EDC3: variants seen among roughly 807,000 people sequenced by gnomAD.
EDC3 encodes the protein enhancer of mRNA-decapping protein 3.
EDC3 carries 20 observed loss-of-function variants against 41.8 expected under a neutral mutation model. The observed-to-expected ratio is 0.48, with a 90% CI of 0.34 to 0.70. The LOEUF is 0.70. Among genes scored for constraint, EDC3 ranks in the 30% least tolerant of loss-of-function variants. The pLI is 0.01. For missense variants in EDC3, 444 were observed against 636.8 expected (o/e 0.70, Z 3.26); for synonymous variants, 206 against 243.2 (o/e 0.85, Z 1.42).
rs1300331018 is a variant in EDC3 at position 74,660,431 on chromosome 15, A to ATG, written c.485-4364_485-4363insCA. Among the ~76,000 whole-genome samples, 77 of 149,132 alleles carry ATG rather than the reference A, an allele frequency of 5.2e-4. 1 individual carries two copies. The highest frequency in any genetic ancestry group is 1.8e-3 in the African/African-American group (72 of 40,070). On this transcript the variant is annotated intron_variant, in intron 3 of 6. Transcript: ENST00000315127. ...TCTCCAAAAATATATATATATATAT[A>ATG]TATGTGTGTGTGTGTGTGTGTATAT...
chr15:74,670,603 T>C (rs552346651), intron 3 of EDC3, among the ~76,000 whole-genome samples: 1 of 152,256 alleles, frequency 6.6e-6, no homozygotes, highest in African/African-American at 2.4e-5. Context: ...ATAATTTTTG[T>C]ATTTTTAGCA....
rs763169983 is a variant in EDC3, at chr15:74,632,600, C to T, written c.*12G>A. On this transcript the variant is annotated 3_prime_UTR_variant, in exon 7 of 7. Coordinates refer to ENST00000315127, the MANE Select transcript of EDC3 (RefSeq NM_025083.5). The surrounding 1 kb of genome is among the most constrained non-coding windows in gnomAD (Gnocchi z 4.0). The stretch of plus-strand genomic sequence containing the variant: ...GCAGGGGACAGCAGAGTCCTGCCTG[C>T]GCAGGAACCCTCTAAGCAGAGTGCA... The T allele has an allele frequency of 2.9e-5, 46 of 1,608,368 alleles. No individual in the cohort carries two copies. The highest frequency in any genetic ancestry group is 8.3e-5 in the Admixed American group (5 of 59,958).
Position 74,671,905 on chromosome 15 carries a change from GC to G in EDC3, c.165-132del, listed in dbSNP as rs1414319505. ...GAGTTATCAGAGGCTAGGAAAGGGG[GC>G]TGTGTGCTTAAGGACAGGGGTCAGC... On this transcript the variant is annotated intron_variant, in intron 2 of 6. Coordinates refer to ENST00000315127, the MANE Select transcript of EDC3 (RefSeq NM_025083.5). The surrounding 1 kb of genome is among the most constrained non-coding windows in gnomAD (Gnocchi z 4.6). 11 of 878,236 alleles carry G rather than the reference GC, an allele frequency of 1.3e-5. No homozygotes were observed. The African/African-American group carries it at 1.7e-4, about 13-fold the overall frequency. The allele number at this position is 878,236 out of a possible 1,614,324, so 54.4% of individuals were successfully genotyped here.
intron 5 of EDC3, chr15:74,636,677 T>A (rs1187339009): frequency 6.6e-6 from 1 of 152,246 alleles, no homozygotes; most frequent in Admixed American, 6.5e-5. Flanking sequence ...TGACAAGATG[T>A]TGTCAAGCTA....
chr15:74,635,510 A>G lies in EDC3; in HGVS notation c.1091T>C (p.Val364Ala), dbSNP rs1015668473. 2 of 1,614,120 alleles carry G rather than the reference A, an allele frequency of 1.2e-6. No individual in the cohort carries two copies. Among genetic ancestry groups the G allele is most frequent in the South Asian group, 1.1e-5 (1 of 91,090 alleles). ...GRHLANHDVQVILFLPNFVKM... is the reference protein window; with the variant it reads ...GRHLANHDVQAILFLPNFVKM... ...GACAAAATTGGGCAGGAAAAGGATGACCTGGACATCATGGTTGGCTAGGTG... is the reference window on the plus strand; with the variant it reads ...GACAAAATTGGGCAGGAAAAGGATGGCCTGGACATCATGGTTGGCTAGGTG... The change falls in exon 6 of 7, where the codon GTC becomes GCC. Residue 364 changes from valine (V) to alanine (A), a missense_variant. Val to Ala is a moderately conservative substitution (Grantham distance 64). Transcript: ENST00000315127.
intron 3 of EDC3, among the ~76,000 whole-genome samples, chr15:74,667,141 C>T (rs1045628240): frequency 6.6e-6 from 1 of 151,980 alleles, no homozygotes; most frequent in Non-Finnish European, 1.5e-5. Flanking sequence ...AGACAGGTTT[C>T]TCACTGTTGG....
At chr15:74,692,495 C>T (rs2063018917) in intron 1 of EDC3, among the ~76,000 whole-genome samples, 1 of 152,110 alleles carries the variant, frequency 6.6e-6, no homozygotes, top group African/African-American at 2.4e-5. Context: ...AGGAACACTT[C>T]CCAATTCATT....
intron 6 of EDC3, chr15:74,635,174 A>G (rs1396503221): frequency 2.9e-6 from 2 of 689,284 alleles, no homozygotes; most frequent in Admixed American, 4.0e-5. Context: ...TGCCTGTTCA[A>G]CGAATATTTG....
In EDC3 at chr15:74,671,663, T is replaced by G. The variant is rs1213984362; in HGVS notation, c.276A>C (p.Gln92His). Residue 92 changes from glutamine to histidine, a missense_variant, in exon 3 of 7, where the codon CAA becomes CAC. By Grantham distance (24) the Gln-to-His change is conservative (BLOSUM62 0). This residue lies in a region of EDC3 where 200 missense variants were observed against 244.0 expected (regional missense o/e 0.82). Coordinates refer to ENST00000315127, the MANE Select transcript of EDC3 (RefSeq NM_025083.5). This position sits in a 1 kb window ranked among gnomAD's most constrained non-coding sequence, Gnocchi z 4.6. ...CTGTGCCATTCTGATTGATGCCCACTTGGCAGCCAGCACCAGAGGGGCCTA... is the reference window on the plus strand; with the variant it reads ...CTGTGCCATTCTGATTGATGCCCACGTGGCAGCCAGCACCAGAGGGGCCTA... ...TELGPSGAGC[Q>H]VGINQNGTGK... 2.5e-6 allele frequency: 4 copies of G among 1,614,026 alleles called. No individual in the cohort carries two copies. Among genetic ancestry groups the G allele is most frequent in the Non-Finnish European group, 3.4e-6 (4 of 1,180,028 alleles).
chr15:74,659,487 A>AATATAT (rs10601683), intron 3 of EDC3, among the ~76,000 whole-genome samples: 5 of 142,194 alleles, frequency 3.5e-5, no homozygotes, highest in African/African-American at 7.9e-5. Flanking sequence ...AAAAAATAGA[A>AATATAT]ATATATATAT....
In EDC3 at chr15:74,652,117, C is replaced by CTAAG. The variant is rs998432797; in HGVS notation, c.820+3615_820+3616insCTTA. ...TAATTTCAACTACAGTTTCTACTGA[C>CTAAG]TATTGCTTTCACATCATCCTAGAAT... On this transcript the variant is annotated intron_variant, in intron 4 of 6. Transcript: ENST00000315127. Among the ~76,000 whole-genome samples the CTAAG allele has an allele frequency of 4.9e-4, 75 of 152,296 alleles. 1 individual carries two copies. The highest frequency in any genetic ancestry group is 1.7e-3 in the African/African-American group (71 of 41,556).
At chr15:74,667,576 T>TAAAAA in intron 3 of EDC3, among the ~76,000 whole-genome samples, 1 of 119,662 alleles carries the variant, frequency 8.4e-6, no homozygotes, top group Non-Finnish European at 1.8e-5. Flanking sequence ...ACCTAAGTAC[T>TAAAAA]AAAAAAAAAA....
intron 3 of EDC3, among the ~76,000 whole-genome samples, chr15:74,669,043 T>G (rs2141644277): frequency 6.6e-6 from 1 of 152,140 alleles, no homozygotes; most frequent in African/African-American, 2.4e-5. Context: ...CGAAATCAGC[T>G]TGGGCAACAT....
chr15:74,675,566 A>G (rs2062796135), intron 1 of EDC3, among the ~76,000 whole-genome samples: 1 of 150,448 alleles, frequency 6.6e-6, no homozygotes, highest in Non-Finnish European at 1.5e-5. Context: ...ATTAATAATA[A>G]TAGTAAATTC....
intron 4 of EDC3, 150 bp from the exon 5 acceptor site, chr15:74,640,769 T>A (rs1051873222): frequency 5.9e-6 from 5 of 854,034 alleles, no homozygotes; most frequent in African/African-American, 5.2e-5. Flanking sequence ...TAAGGCACGC[T>A]CTGCAGCTCT....
At chr15:74,646,034 T>TCCCA (rs2062413053) in intron 4 of EDC3, among the ~76,000 whole-genome samples, 1 of 151,108 alleles carries the variant, frequency 6.6e-6, no homozygotes, top group Non-Finnish European at 1.5e-5. Context: ...CAGAGACCGT[T>TCCCA]CCCAGTCTTT....
chr15:74,680,950 T>C (rs1023871078), intron 1 of EDC3, among the ~76,000 whole-genome samples: 2 of 152,226 alleles, frequency 1.3e-5, no homozygotes, highest in Middle Eastern at 3.4e-3. Context: ...CTGAAAACTA[T>C]GCAACACTGA....
chr15:74,677,925 A>G (rs1015155928), intron 1 of EDC3, among the ~76,000 whole-genome samples: 2 of 152,210 alleles, frequency 1.3e-5, no homozygotes, highest in African/African-American at 4.8e-5. Flanking sequence ...AAAAGAAATG[A>G]GCTATCAAGC....
At position 74,671,598 on chromosome 15, in the gene EDC3, G is replaced by A. The variant is rs752863254; in HGVS notation, c.341C>T (p.Pro114Leu). ...ATCTGTCCTCTTAGGGATATTCTGA[G>A]GGGCACTGCTGGAAGAGGCTGGCTT... is the stretch of plus-strand genomic sequence containing the variant. ...VKKPASSSSA[P>L]QNIPKRTDVK... The change falls in exon 3 of 7, where the codon CCT becomes CTT. Residue 114 changes from proline (P) to leucine (L), a missense_variant. Transcript: ENST00000315127. This position sits in a 1 kb window ranked among gnomAD's most constrained non-coding sequence, Gnocchi z 4.6. The A allele has an allele frequency of 6.2e-7, 1 of 1,614,170 alleles. No individual in the cohort carries two copies. The highest frequency in any genetic ancestry group is 8.5e-7 in the Non-Finnish European group (1 of 1,180,028).
Sources: allele counts gnomAD v4.1 joint callset (sites outside exome capture counted in the v4.1 genomes callset), GRCh38; gene constraint gnomAD v4.1.1; regional missense constraint gnomAD v4.1.1; non-coding constraint Gnocchi (gnomAD v3.1); transcripts MANE v1.5; gene names NCBI Gene and HGNC (gene_info 2026-07-23, HGNC 2026-07-21).